The following MGLL variants were observed in gnomAD, a reference collection of about 807,000 sequenced individuals.
The protein encoded by MGLL is lysophospholipase homolog.
In MGLL, 7 loss-of-function variants were observed where a neutral mutation model predicts 29.1. That is an observed-to-expected ratio of 0.24 (90% CI 0.14 to 0.45). The LOEUF (loss-of-function observed/expected upper bound fraction) is 0.45. Ranked by LOEUF, MGLL falls within the 20% of genes least tolerant of loss-of-function variation. The pLI is 0.99. For synonymous variants in MGLL, 148 were observed against 168.3 expected, an observed-to-expected ratio of 0.88 and a Z score of 0.93; for missense variants, 356 against 413.6, an observed-to-expected ratio of 0.86 and a Z score of 1.21.
intron 3 of MGLL, among the ~76,000 whole-genome samples, chr3:127,742,533 T>C (rs2107656649): frequency 7.8e-6 from 1 of 128,726 alleles, no homozygotes; most frequent in South Asian, 2.4e-4. Context: ...GAGATTGCAG[T>C]GAGCTGGGAT....
At chr3:127,790,324 G>C (rs1029335150) in intron 2 of MGLL, among the ~76,000 whole-genome samples, 1 of 152,200 alleles carries the variant, frequency 6.6e-6, no homozygotes, top group African/African-American at 2.4e-5. Flanking sequence ...GTCTCCCCAG[G>C]TGTGATCTCA....
chr3:127,765,754 C>T lies in MGLL; in HGVS notation c.262+16035G>A, dbSNP rs937315269. 5.3e-5 allele frequency among the ~76,000 whole-genome samples: 8 copies of T among 152,330 alleles called. No homozygotes were observed. The South Asian group carries it at 6.2e-4, about 12-fold the overall frequency. On this transcript the variant is annotated intron_variant, in intron 3 of 7. Transcript: ENST00000265052. ...AGAAGAGTGTTCCCGCAGGAACGGC[C>T]GCATGTGGCCGCATCGCTCCAGATT...
chr3:127,756,628 C>T (rs979135955), intron 3 of MGLL, among the ~76,000 whole-genome samples: 2 of 152,224 alleles, frequency 1.3e-5, no homozygotes, highest in African/African-American at 4.8e-5. Context: ...GTGTTGGCCT[C>T]ACCATACCTG....
intron 2 of MGLL, among the ~76,000 whole-genome samples, chr3:127,783,000 C>T (rs2077154074): frequency 6.6e-6 from 1 of 151,940 alleles, no homozygotes; most frequent in South Asian, 2.1e-4. Context: ...CATGGTGAAA[C>T]TCCGTCACTA....
chr3:127,736,836 A>G (rs1259074870), intron 3 of MGLL, among the ~76,000 whole-genome samples: 2 of 152,118 alleles, frequency 1.3e-5, no homozygotes, highest in Non-Finnish European at 2.9e-5. Flanking sequence ...CTGGGACCAC[A>G]AGCGCATGTC....
intron 2 of MGLL, among the ~76,000 whole-genome samples, chr3:127,787,056 T>C (rs1423542163): frequency 6.6e-6 from 1 of 152,236 alleles, no homozygotes; most frequent in Non-Finnish European, 1.5e-5. Context: ...GCAAGTGCAC[T>C]GAGGCCCTGC....
chr3:127,777,610 G>A (rs1043498615), intron 3 of MGLL, among the ~76,000 whole-genome samples: 1 of 147,336 alleles, frequency 6.8e-6, no homozygotes, highest in Non-Finnish European at 1.5e-5. Context: ...TGCCCACACA[G>A]ATGAAAGCCA....
At chr3:127,714,924 C>T (rs776960427) in intron 5 of MGLL, among the ~76,000 whole-genome samples, 5 of 152,204 alleles carry the variant, frequency 3.3e-5, no homozygotes, top group Non-Finnish European at 5.9e-5. Context: ...CGTATGGTAG[C>T]GGGCACAGCA....
At chr3:127,778,900 T>C (rs922382511) in intron 3 of MGLL, among the ~76,000 whole-genome samples, 6 of 152,094 alleles carry the variant, frequency 3.9e-5, no homozygotes, top group Admixed American at 3.9e-4. Context: ...TATAGGTATA[T>C]ACCATGGGGC....
intron 2 of MGLL, among the ~76,000 whole-genome samples, chr3:127,798,161 C>A (rs1200242874): frequency 6.6e-6 from 1 of 152,218 alleles, no homozygotes; most frequent in Non-Finnish European, 1.5e-5. Context: ...ACCTTGCAAG[C>A]ACAGTGCATA....
chr3:127,775,371 C>A (rs550781408), intron 3 of MGLL, among the ~76,000 whole-genome samples: 4 of 152,148 alleles, frequency 2.6e-5, no homozygotes, highest in Middle Eastern at 3.2e-3. Flanking sequence ...ATAAAATAAA[C>A]CTATGGCAGT....
chr3:127,735,915 G>A (rs1045401129), intron 3 of MGLL: 9 of 1,523,364 alleles, frequency 5.9e-6, no homozygotes, highest in Non-Finnish European at 7.9e-6. Flanking sequence ...TGGGGCAGCT[G>A]GTCTGCACCT....
intron 3 of MGLL, among the ~76,000 whole-genome samples, chr3:127,779,817 C>T (rs901858466): frequency 2.0e-5 from 3 of 152,160 alleles, no homozygotes; most frequent in African/African-American, 7.2e-5. Context: ...GAAGGAAATA[C>T]AGCCAAGATC....
intron 2 of MGLL, among the ~76,000 whole-genome samples, chr3:127,803,931 G>C (rs116684146): frequency 6.6e-6 from 1 of 152,152 alleles, no homozygotes; most frequent in African/African-American, 2.4e-5. Context: ...GCTCTTGAGT[G>C]TACCCCAGTG....
chr3:127,753,626 T>G lies in MGLL; in HGVS notation c.262+28163A>C, dbSNP rs192217304. 2.9e-3 allele frequency among the ~76,000 whole-genome samples: 449 copies of G among 152,356 alleles called. 8 individuals are homozygous for G. The highest frequency in any genetic ancestry group is 0.023 in the Admixed American group (350 of 15,310). On this transcript the variant is annotated intron_variant, in intron 3 of 7. Coordinates refer to ENST00000265052, the MANE Select transcript of MGLL (RefSeq NM_007283.7). The stretch of plus-strand genomic sequence containing the variant: ...TGGGCCTGAGCTTTGTCTCTGTGAT[T>G]GGGTAGCTGTGCACAGACAGCATAA...
intron 6 of MGLL, among the ~76,000 whole-genome samples, chr3:127,710,343 A>G (rs944150741): frequency 2.0e-5 from 3 of 152,160 alleles, no homozygotes; most frequent in Admixed American, 6.5e-5. Context: ...CACACACTCA[A>G]CTTCCACTGT....
chr3:127,726,894 C>A (rs2076056902), intron 3 of MGLL, among the ~76,000 whole-genome samples: 1 of 152,208 alleles, frequency 6.6e-6, no homozygotes, highest in African/African-American at 2.4e-5. Context: ...TATTTTCCTG[C>A]CTAAGTAAAT....
At chr3:127,773,237 C>T (rs907870700) in intron 3 of MGLL, among the ~76,000 whole-genome samples, 5 of 152,222 alleles carry the variant, frequency 3.3e-5, no homozygotes, top group Admixed American at 6.5e-5. Context: ...CAGGGTCCCC[C>T]GAAGGGGTCA....
chr3:127,752,289 G>A (rs2076574221), intron 3 of MGLL, among the ~76,000 whole-genome samples: 1 of 152,094 alleles, frequency 6.6e-6, no homozygotes, highest in Non-Finnish European at 1.5e-5. Context: ...AGTAGAGATG[G>A]GGTTTCACCA....
Sources: allele counts gnomAD v4.1 joint callset (sites outside exome capture counted in the v4.1 genomes callset), GRCh38; gene constraint gnomAD v4.1.1; transcripts MANE v1.5; gene names NCBI Gene and HGNC (gene_info 2026-07-23, HGNC 2026-07-21).